Variants in APOB observed in about 807,000 individuals in gnomAD.
APOB encodes apolipoprotein B, also known as apolipoprotein B-100.
In APOB, 153 loss-of-function variants were observed where a neutral mutation model predicts 314.1. The observed-to-expected ratio is 0.49, with a 90% CI of 0.43 to 0.56. The LOEUF is 0.56. Among genes scored for constraint, APOB ranks in the 20% least tolerant of loss-of-function variants. The pLI is 0.00. For missense variants in APOB, 5,430 were observed against 5,350.7 expected, an observed-to-expected ratio of 1.01 and a Z score of -0.46; for synonymous variants, 2,087 against 2,036.4, an observed-to-expected ratio of 1.02 and a Z score of -0.67.
chr2:21,021,770 C>T (rs1459892829), intron 18 of APOB, among the ~76,000 whole-genome samples: 1 of 152,192 alleles, frequency 6.6e-6, no homozygotes, highest in Non-Finnish European at 1.5e-5. Flanking sequence ...AATGCATTCC[C>T]TGACTAGCAC....
intron 4 of APOB, 85 bp downstream of exon 4, chr2:21,040,853 T>A (rs1043470592): frequency 6.8e-7 from 1 of 1,466,638 alleles, no homozygotes; most frequent in Non-Finnish European, 9.5e-7. Context: ...ATACTTACAG[T>A]CACATCCGTG....
chr2:21,018,835 G>T (rs1402054673), intron 20 of APOB, among the ~76,000 whole-genome samples, 157 bp downstream of exon 20: 1 of 152,056 alleles, frequency 6.6e-6, no homozygotes, highest in African/African-American at 2.4e-5. Context: ...GCCGCTTATT[G>T]GGTACTCAGT....
At chr2:21,043,756 AC>A in intron 1 of APOB, 107 bp downstream of exon 1, 1 of 1,511,068 alleles carries the variant, frequency 6.6e-7, no homozygotes, top group South Asian at 1.3e-5. Flanking sequence ...CTCGCCCTGG[AC>A]CCTGTGGCTG....
intron 20 of APOB, among the ~76,000 whole-genome samples, chr2:21,018,006 A>T (rs1311636888): frequency 6.6e-6 from 1 of 151,898 alleles, no homozygotes; most frequent in African/African-American, 2.4e-5. Context: ...ATTCCCTAAA[A>T]CCTGCTCCTC....
rs764654025 is a variant in APOB at position 21,005,212 on chromosome 2, G to A, written c.11656C>T (p.Arg3886Cys). 2.9e-5 allele frequency: 47 copies of A among 1,613,926 alleles called. No individual in the cohort carries two copies. The highest frequency in any genetic ancestry group is 5.3e-5 in the African/African-American group (4 of 74,906). ...TACACGGGAGAGTCTACCTCAAAGC[G>A]TGCAGTCAGTGCTTGAAAGGAAGGA... ...VIPSFQALTARFEVDSPVYNA... is the reference protein window; with the variant it reads ...VIPSFQALTACFEVDSPVYNA... Residue 3886 changes from arginine (R) to cysteine (C), a missense_variant, in exon 26 of 29, where the codon CGC becomes TGC. Physicochemically the swap from Arg to Cys is radical, Grantham distance 180. Coordinates refer to ENST00000233242, the MANE Select transcript of APOB (RefSeq NM_000384.3).
Position 21,003,185 on chromosome 2 carries a change from C to T in APOB, c.12237G>A (p.Gly4079=), listed in dbSNP as rs560078866. The T allele has an allele frequency of 6.2e-7, 1 of 1,613,808 alleles. No homozygotes were observed. The highest frequency in any genetic ancestry group is 8.5e-7 in the Non-Finnish European group (1 of 1,179,944). ...ACTTGTTGACATAATCATAAAGGAC[C>T]CCTGTGGCCTTGGGCACGTTGTCTT... ...SLKDNVPKAT[G]VLYDYVNKYH... Residue 4079 remains glycine, a synonymous_variant, in exon 29 of 29, where the codon GGG becomes GGA. Coordinates refer to ENST00000233242, the MANE Select transcript of APOB (RefSeq NM_000384.3).
intron 3 of APOB, among the ~76,000 whole-genome samples, chr2:21,041,693 A>G (rs1198381118): frequency 6.6e-6 from 1 of 152,234 alleles, no homozygotes; most frequent in African/African-American, 2.4e-5. Context: ...GTGACAACGA[A>G]TATGAATTTT....
At position 21,002,284 on chromosome 2, in the gene APOB, A is replaced by G. The variant is rs1203595744; in HGVS notation, c.13138T>C (p.Tyr4380His). The change falls in exon 29 of 29, where the codon TAC (tyrosine) becomes CAC (histidine). Residue 4380 changes from tyrosine (Y) to histidine (H), a missense_variant. Tyr to His is a moderately conservative substitution (Grantham distance 83, BLOSUM62 2). Coordinates refer to ENST00000233242, the MANE Select transcript of APOB (RefSeq NM_000384.3). The stretch of plus-strand genomic sequence containing the variant: ...TATTCTTCACGAAGGGCCATAATGT[A>G]TTGATGGATCTGCTGTAACTCTTGA... ...ASQELQQIHQ[Y>H]IMALREEYFD... 4 of 1,613,858 alleles carry G rather than the reference A, an allele frequency of 2.5e-6. No homozygotes were observed. The Admixed American group carries it at 6.7e-5, about 27-fold the overall frequency.
intron 2 of APOB, 152 bp from the exon 3 acceptor site, chr2:21,042,628 T>C (rs1664159715): frequency 1.4e-6 from 1 of 704,732 alleles, no homozygotes. Flanking sequence ...AATTTTCCTT[T>C]ATAGATTTGA....
In APOB at chr2:21,015,124, TCTG is replaced by T; in HGVS notation, c.3642_3644del (p.His1214_Arg1215delinsGln). The T allele has an allele frequency of 6.2e-7, 1 of 1,614,236 alleles. No individual in the cohort carries two copies. The highest frequency in any genetic ancestry group is 8.5e-7 in the Non-Finnish European group (1 of 1,180,036). ...GGAAAGTCATGTCTGTTTGAGGGAC[TCTG>T]TGATCCAGGAGTCTATTAGCATACA... On this transcript the variant is annotated inframe_deletion, in exon 23 of 29. Coordinates refer to ENST00000233242, the MANE Select transcript of APOB (RefSeq NM_000384.3).
chr2:21,003,145 T>G lies in APOB; in HGVS notation c.12277A>C (p.Thr4093Pro). The stretch of plus-strand genomic sequence containing the variant: ...GACACTTCTCTCAGGGTGAGCCCTG[T>G]GTGTTCCCAGTGGTACTTGTTGACA... The part of the protein sequence containing the change: ...DYVNKYHWEH[T>P]GLTLREVSSK... Residue 4093 changes from threonine (T) to proline (P), a missense_variant, in exon 29 of 29, where the codon ACA (threonine) becomes CCA (proline). Around this residue, in one of 3 missense-constraint regions of APOB, gnomAD observed 3,281 missense variants for 3,171.0 expected, o/e 1.03. Coordinates refer to ENST00000233242, the MANE Select transcript of APOB (RefSeq NM_000384.3). The G allele has an allele frequency of 6.2e-7, 1 of 1,613,410 alleles. No individual in the cohort carries two copies. The highest frequency in any genetic ancestry group is 1.1e-5 in the South Asian group (1 of 91,026).
chr2:21,033,005 G>A (rs1173290991), intron 9 of APOB, among the ~76,000 whole-genome samples: 3 of 152,170 alleles, frequency 2.0e-5, no homozygotes, highest in Non-Finnish European at 4.4e-5. Flanking sequence ...CTTCTGGAGA[G>A]CACCTGCAAT....
Position 21,028,446 on chromosome 2 carries a change from T to G in APOB, c.1710A>C (p.Ser570=). The G allele has an allele frequency of 6.2e-7, 1 of 1,614,028 alleles. No homozygotes were observed. Among genetic ancestry groups the G allele is most frequent in the Non-Finnish European group, 8.5e-7 (1 of 1,179,912 alleles). The change falls in exon 13 of 29, where the codon TCA becomes TCC. Residue 570 remains serine (S), a synonymous_variant. Coordinates refer to ENST00000233242, the MANE Select transcript of APOB (RefSeq NM_000384.3). ...GGACAATTTTGTTAATATCTGCCTG[T>G]GAAGGACTCCTCATCAACATAAGAT... ...AAYLMLMRSP[S]QADINKIVQI... is the part of the protein sequence containing the mutation.
chr2:21,039,570 G>A lies in APOB; in HGVS notation c.383+1368C>T, dbSNP rs150321481. Among the ~76,000 whole-genome samples, 7 of 152,338 alleles carry A rather than the reference G, an allele frequency of 4.6e-5. No homozygotes were observed. The East Asian group carries it at 1.3e-3, about 29-fold the overall frequency. On this transcript the variant is annotated intron_variant, in intron 4 of 28. Coordinates refer to ENST00000233242, the MANE Select transcript of APOB (RefSeq NM_000384.3). The stretch of plus-strand genomic sequence containing the variant: ...TTCCCAACACGAAGAAATGATAAAT[G>A]TTTGAGATGATGGGTATGCTAATTA...
In APOB at chr2:21,008,449, C is replaced by A. The variant is rs1416828282; in HGVS notation, c.8419G>T (p.Asp2807Tyr). The change falls in exon 26 of 29, where the codon GAT becomes TAT. Residue 2807 changes from aspartate to tyrosine, a missense_variant. This residue lies in a region of APOB where 3,281 missense variants were observed against 3,171.0 expected (regional missense o/e 1.03). Coordinates refer to ENST00000233242, the MANE Select transcript of APOB (RefSeq NM_000384.3). ...GAGAGTTGTGCATTTGCTTGAAAAT[C>A]AAAATTGAGAACTTCTAATTTGGAC... The part of the protein sequence containing the change: ...GESKLEVLNF[D>Y]FQANAQLSNP... The A allele has an allele frequency of 6.2e-7, 1 of 1,614,100 alleles. No homozygotes were observed. Among genetic ancestry groups the A allele is most frequent in the Non-Finnish European group, 8.5e-7 (1 of 1,179,976 alleles).
At chr2:21,020,925 C>T (rs937939431) in intron 18 of APOB, among the ~76,000 whole-genome samples, 1 of 152,152 alleles carries the variant, frequency 6.6e-6, no homozygotes, top group African/African-American at 2.4e-5. Context: ...TGGTTATTCC[C>T]CTTCTTCCTT....
rs778729560 is a variant in APOB, at chr2:21,012,611, T to C, written c.4257A>G (p.Thr1419=). The C allele has an allele frequency of 3.1e-5, 50 of 1,612,808 alleles. No homozygotes were observed. Among genetic ancestry groups the C allele is most frequent in the Non-Finnish European group, 3.8e-5 (45 of 1,179,208 alleles). ...GGCGTAGAGACCCATCACATGATAGTGTGAACGTATTCTTGTGGTCATATG... is the reference window on the plus strand; with the variant it reads ...GGCGTAGAGACCCATCACATGATAGCGTGAACGTATTCTTGTGGTCATATG... The part of the protein sequence containing the change: ...ETTYDHKNTF[T]LSCDGSLRHK... Residue 1419 remains threonine, a synonymous_variant, in exon 26 of 29, where the codon ACA becomes ACG. Coordinates refer to ENST00000233242, the MANE Select transcript of APOB (RefSeq NM_000384.3).
At chr2:21,013,130 C>CG in intron 25 of APOB, 30 bp downstream of exon 25, 1 of 1,612,496 alleles carries the variant, frequency 6.2e-7, no homozygotes. Context: ...TGAACTAGCC[C>CG]GGTGCACCCT....
chr2:21,023,456 GT>G, intron 17 of APOB, 68 bp downstream of exon 17: 3 of 1,550,840 alleles, frequency 1.9e-6, no homozygotes, highest in Non-Finnish European at 2.7e-6. Flanking sequence ...TTTTAAATAT[GT>G]TTTAACAAGA....
Sources: allele counts gnomAD v4.1 joint callset (sites outside exome capture counted in the v4.1 genomes callset), GRCh38; gene constraint gnomAD v4.1.1; regional missense constraint gnomAD v4.1.1; transcripts MANE v1.5; gene names NCBI Gene and HGNC (gene_info 2026-07-23, HGNC 2026-07-21).